Variants in RBP5 observed in about 807,000 individuals in gnomAD.
RBP5 encodes retinol binding protein 5, also known as retinol-binding protein 5.
In RBP5, 12 loss-of-function variants were observed where a neutral mutation model predicts 17.8. That is an observed-to-expected ratio of 0.67 (90% CI 0.43 to 1.09). The LOEUF (loss-of-function observed/expected upper bound fraction) is 1.09. Ranked by LOEUF, RBP5 falls within the 50% of genes least tolerant of loss-of-function variation. The pLI is 0.00. For missense variants in RBP5, 172 were observed against 169.4 expected (o/e 1.02, Z -0.09); for synonymous variants, 64 against 68.1 (o/e 0.94, Z 0.30).
exon 4 of RBP5, chr12:7,116,184 C>T (rs1249847019): frequency 6.6e-6 from 1 of 152,234 alleles, no homozygotes; most frequent in Non-Finnish European, 1.5e-5. Context: ...CTCTTTTCAG[C>T]AAAGAACCCT....
In RBP5 at chr12:7,128,291, C is replaced by A; in HGVS notation, c.201G>T (p.Val67=). Residue 67 remains valine (V), a synonymous_variant, in exon 2 of 4, where the codon GTG becomes GTT. Transcript: ENST00000266560. This position sits in a 1 kb window ranked among gnomAD's most constrained non-coding sequence, Gnocchi z 5.3. ...TFRNYTVQFD[V]GVEFEEDLRS... ...TGAGGTCCTCCTCAAACTCCACTCC[C>A]ACATCAAACTGCACAGTGTAGTTTC... 1 of 1,614,222 alleles carries A rather than the reference C, an allele frequency of 6.2e-7. No homozygotes were observed. Among genetic ancestry groups the A allele is most frequent in the South Asian group, 1.1e-5 (1 of 91,090 alleles).
Position 7,124,209 on chromosome 12 carries a change from A to AG in RBP5, c.355-36dup, listed in dbSNP as rs1491335314. 6.2e-7 allele frequency: 1 copy of AG among 1,609,432 alleles called. No homozygotes were observed. The highest frequency in any genetic ancestry group is 8.5e-7 in the Non-Finnish European group (1 of 1,176,094). On this transcript the variant is annotated intron_variant, in intron 3 of 3. Transcript: ENST00000266560. This position sits in a 1 kb window ranked among gnomAD's most constrained non-coding sequence, Gnocchi z 5.3. ...GAGGGGAAGTGAGGGGGAGAGAGAA[A>AG]GAGGGCGTTTGCCAGCCAGAGCCCC...
At chr12:7,126,520 T>TG (rs1356585118) in intron 2 of RBP5, among the ~76,000 whole-genome samples, 14 of 93,764 alleles carry the variant, frequency 1.5e-4, no homozygotes, top group South Asian at 7.5e-4. Flanking sequence ...GGTGTGTGTG[T>TG]GTGTGTGTGT....
At chr12:7,129,632 A>G (rs1939240298), upstream of RBP5, 3 of 985,364 alleles carry the variant, frequency 3.0e-6, no homozygotes, top group Non-Finnish European at 2.4e-6. The surrounding 1 kb of genome is among the most constrained non-coding windows in gnomAD (Gnocchi z 5.5). Flanking sequence ...CATGCTTTCC[A>G]GATGTATTTC....
At position 7,126,510 on chromosome 12, in the gene RBP5, GGTGTGT is replaced by G. The variant is rs780320410; in HGVS notation, c.252+1724_252+1729del. ...TAGATGTGGTGGTGGTGGTGGTGGTGGTGTGTGTGTGTGTGTGTGTGTGTGTGTGTG... is the reference window on the plus strand; with the variant it reads ...TAGATGTGGTGGTGGTGGTGGTGGTGGTGTGTGTGTGTGTGTGTGTGTGTG... On this transcript the variant is annotated intron_variant, in intron 2 of 3. Coordinates refer to ENST00000266560, the MANE Select transcript of RBP5 (RefSeq NM_031491.4). Among the ~76,000 whole-genome samples the G allele has an allele frequency of 4.3e-3, 566 of 131,014 alleles. 7 individuals are homozygous for G. Among genetic ancestry groups the G allele is most frequent in the Admixed American group, 9.9e-3 (130 of 13,116 alleles). The allele number at this position is 131,014 out of a possible 152,430, so 86.0% of individuals were successfully genotyped here. A position where few individuals can be genotyped will look rare whatever the true frequency, so the allele number is the denominator to read the frequency against.
rs181198313 is a variant in RBP5, at chr12:7,117,284, T to C, written n.913A>G. ...AAGTGACGTAGCATCATTTCTGCCTTATTCCATTGGTCACACAGACAACCC... is the reference window on the plus strand; with the variant it reads ...AAGTGACGTAGCATCATTTCTGCCTCATTCCATTGGTCACACAGACAACCC... On this transcript the variant is annotated non_coding_transcript_exon_variant, in exon 4 of 4. Transcript: ENST00000619522. This position sits in a 1 kb window ranked among gnomAD's most constrained non-coding sequence, Gnocchi z 4.9. The C allele has an allele frequency of 8.5e-5, 13 of 152,350 alleles. No individual in the cohort carries two copies. Among genetic ancestry groups the C allele is most frequent in the Admixed American group, 5.9e-4 (9 of 15,308 alleles). The allele number at this position is 152,350 out of a possible 1,614,324, so 9.4% of individuals were successfully genotyped here.
downstream of RBP5, chr12:7,122,196 G>A (rs1939091352): frequency 1.3e-5 from 2 of 152,168 alleles, no homozygotes; most frequent in African/African-American, 4.8e-5. Flanking sequence ...AGTGTCCGCA[G>A]GGGAAACAGC....
downstream of RBP5, among the ~76,000 whole-genome samples, chr12:7,123,531 A>G (rs1939109857): frequency 6.6e-6 from 1 of 152,088 alleles, no homozygotes; most frequent in Non-Finnish European, 1.5e-5. Context: ...TTCCCAACAC[A>G]TAGGATGGAA....
At position 7,128,790 on chromosome 12, in the gene RBP5, T is replaced by A; in HGVS notation, c.-15A>T. 6.3e-7 allele frequency: 1 copy of A among 1,588,410 alleles called. No individual in the cohort carries two copies. The highest frequency in any genetic ancestry group is 8.6e-7 in the Non-Finnish European group (1 of 1,166,274). ...TTGGGAGGCATTGTGTGGATGAAGGTTTCAGGAGAATGCAGGAGACAGGGT... is the reference window on the plus strand; with the variant it reads ...TTGGGAGGCATTGTGTGGATGAAGGATTCAGGAGAATGCAGGAGACAGGGT... On this transcript the variant is annotated 5_prime_UTR_variant, in exon 1 of 4. Transcript: ENST00000266560. The surrounding 1 kb of genome is among the most constrained non-coding windows in gnomAD (Gnocchi z 5.3).
chr12:7,119,951 C>T (rs73266782), downstream of RBP5, among the ~76,000 whole-genome samples: 1,366 of 152,322 alleles, frequency 9.0e-3, 26 homozygotes, highest in African/African-American at 0.032. Flanking sequence ...TTTTAGGTTC[C>T]TCTAGAGCCT....
chr12:7,126,565 A>T (rs1315925999), intron 2 of RBP5, among the ~76,000 whole-genome samples: 3 of 143,954 alleles, frequency 2.1e-5, no homozygotes, highest in Admixed American at 1.4e-4. Context: ...GTGTGCTGGG[A>T]GCCTAGAGGT....
At chr12:7,129,935 G>A, upstream of RBP5, 2 of 439,936 alleles carry the variant, frequency 4.5e-6, no homozygotes, top group South Asian at 9.3e-5. This position sits in a 1 kb window ranked among gnomAD's most constrained non-coding sequence, Gnocchi z 5.5. Context: ...GGCTACAAAT[G>A]CCAGGATTTC....
chr12:7,126,082 A>AAAC (rs1491334250), intron 2 of RBP5, among the ~76,000 whole-genome samples: 4 of 146,124 alleles, frequency 2.7e-5, no homozygotes, highest in African/African-American at 1.0e-4. Context: ...AAAAAAAAAA[A>AAAC]CACAAAAACA....
chr12:7,124,954 T>C lies in RBP5; in HGVS notation c.253-224A>G, dbSNP rs374255041. On this transcript the variant is annotated intron_variant, in intron 2 of 3. Transcript: ENST00000266560. The surrounding 1 kb of genome is among the most constrained non-coding windows in gnomAD (Gnocchi z 5.3). ...CAAGTTCTTGCTCTGTCACCCAGGC[T>C]GGAGTGCAGTGGCAGGATCTCGGCT... Among the ~76,000 whole-genome samples the C allele has an allele frequency of 3.3e-5, 5 of 152,322 alleles. No individual in the cohort carries two copies. In the East Asian group the frequency reaches 7.7e-4, roughly 24 times the overall value.
chr12:7,128,604 G>T lies in RBP5; in HGVS notation c.73+99C>A. 1 of 1,288,920 alleles carries T rather than the reference G, an allele frequency of 7.8e-7. No individual in the cohort carries two copies. Among genetic ancestry groups the T allele is most frequent in the Non-Finnish European group, 1.1e-6 (1 of 909,108 alleles). 79.8% of individuals were successfully genotyped at this position (1,288,920 alleles called of 1,614,324 possible). On this transcript the variant is annotated intron_variant, in intron 1 of 3. Coordinates refer to ENST00000266560, the MANE Select transcript of RBP5 (RefSeq NM_031491.4). The surrounding 1 kb of genome is among the most constrained non-coding windows in gnomAD (Gnocchi z 5.3). ...CCAGCCGCCTGAGCCTTTCCACAGTGTCCAACCCCGGGCATTCCCTCTTCT... is the reference window on the plus strand; with the variant it reads ...CCAGCCGCCTGAGCCTTTCCACAGTTTCCAACCCCGGGCATTCCCTCTTCT...
At chr12:7,129,722 T>C (rs1269183794), upstream of RBP5, 15 of 985,384 alleles carry the variant, frequency 1.5e-5, no homozygotes, top group Non-Finnish European at 1.8e-5. The surrounding 1 kb of genome is among the most constrained non-coding windows in gnomAD (Gnocchi z 5.5). Context: ...CCTGCCATCG[T>C]CCCGGGCTTC....
In RBP5 at chr12:7,124,409, A is replaced by G. The variant is rs148828929; in HGVS notation, c.354+220T>C. 4.6e-5 allele frequency among the ~76,000 whole-genome samples: 7 copies of G among 152,166 alleles called. No individual in the cohort carries two copies. Among genetic ancestry groups the G allele is most frequent in the Middle Eastern group, 6.8e-3 (2 of 294 alleles). ...GCCTCCATCTCGCCAGTGATGATTT[A>G]TGGGCATTCATCCGACTCGTAGCCA... On this transcript the variant is annotated intron_variant, in intron 3 of 3. Coordinates refer to ENST00000266560, the MANE Select transcript of RBP5 (RefSeq NM_031491.4). The surrounding 1 kb of genome is among the most constrained non-coding windows in gnomAD (Gnocchi z 5.3).
chr12:7,121,398 C>G (rs1939080302), downstream of RBP5, among the ~76,000 whole-genome samples: 1 of 152,142 alleles, frequency 6.6e-6, no homozygotes, highest in South Asian at 2.1e-4. Context: ...CCCGGGATGG[C>G]CTTTGTGCTT....
upstream of RBP5, chr12:7,129,934 T>A (rs1009169194): frequency 2.3e-6 from 1 of 438,196 alleles, no homozygotes; most frequent in Non-Finnish European, 3.0e-6. The surrounding 1 kb of genome is among the most constrained non-coding windows in gnomAD (Gnocchi z 5.5). Flanking sequence ...GGGCTACAAA[T>A]GCCAGGATTT....
Sources: allele counts gnomAD v4.1 joint callset (sites outside exome capture counted in the v4.1 genomes callset), GRCh38; gene constraint gnomAD v4.1.1; non-coding constraint Gnocchi (gnomAD v3.1); transcripts MANE v1.5; gene names NCBI Gene and HGNC (gene_info 2026-07-23, HGNC 2026-07-21).